NEGR1: variants seen among roughly 807,000 people sequenced by gnomAD.
The protein encoded by NEGR1 is IgLON family member 4.
In NEGR1, 10 loss-of-function variants were observed where a neutral mutation model predicts 40.9. That is an observed-to-expected ratio of 0.24 (90% CI 0.15 to 0.42). The LOEUF (loss-of-function observed/expected upper bound fraction) is 0.42, where lower values mean the gene tolerates loss of function less well. Among genes scored for constraint, NEGR1 ranks in the 10% least tolerant of loss-of-function variants. The pLI, the probability that NEGR1 is intolerant of heterozygous loss-of-function variation, is 1.00. For synonymous variants in NEGR1, 185 were observed against 166.8 expected (o/e 1.11, Z -0.84); for missense variants, 352 against 438.9 (o/e 0.80, Z 1.77).
chr1:71,759,287 CTTTTTTTT>C lies in NEGR1; in HGVS notation c.535+16877_535+16884del, dbSNP rs759687500. ...AAGGTTGCATTTTCCAAGATTATAA[CTTTTTTTT>C]TTTTTTTTTTTTTTTTTTTTGAGAC... On this transcript the variant is annotated intron_variant, in intron 3 of 6. Coordinates refer to ENST00000357731, the MANE Select transcript of NEGR1 (RefSeq NM_173808.3). 2.5e-3 allele frequency among the ~76,000 whole-genome samples: 217 copies of C among 85,206 alleles called. 1 individual carries two copies. The highest frequency in any genetic ancestry group is 9.5e-3 in the African/African-American group (197 of 20,750). The allele number at this position is 85,206 out of a possible 152,430, so 55.9% of individuals were successfully genotyped here.
At chr1:71,873,200 T>C (rs1278118905) in intron 2 of NEGR1, among the ~76,000 whole-genome samples, 1 of 150,594 alleles carries the variant, frequency 6.6e-6, no homozygotes, top group African/African-American at 2.4e-5. Flanking sequence ...TTTATCTACA[T>C]GAATAACATT....
chr1:71,600,936 C>T (rs619147), intron 5 of NEGR1, among the ~76,000 whole-genome samples: 4,665 of 152,278 alleles, frequency 0.031, 235 homozygotes, highest in African/African-American at 0.11. Context: ...CCGAACTGAG[C>T]GTGGTCCCTC....
At chr1:72,093,648 C>T (rs1205784520) in intron 1 of NEGR1, among the ~76,000 whole-genome samples, 1 of 152,042 alleles carries the variant, frequency 6.6e-6, no homozygotes, top group Non-Finnish European at 1.5e-5. Context: ...TGGTGATGTG[C>T]TTCTTTTTTT....
chr1:71,539,868 T>C (rs1034825059), intron 6 of NEGR1, among the ~76,000 whole-genome samples: 2 of 151,756 alleles, frequency 1.3e-5, no homozygotes, highest in African/African-American at 4.8e-5. Context: ...TTTCTATGCT[T>C]AATAAAATTA....
intron 1 of NEGR1, among the ~76,000 whole-genome samples, chr1:72,051,726 A>G (rs999826418): frequency 6.6e-6 from 1 of 151,390 alleles, no homozygotes; most frequent in African/African-American, 2.4e-5. Context: ...AGCTCCCCAC[A>G]AGACTGTGAC....
At chr1:71,784,876 A>G (rs915282531) in intron 2 of NEGR1, among the ~76,000 whole-genome samples, 5 of 152,200 alleles carry the variant, frequency 3.3e-5, no homozygotes, top group African/African-American at 1.2e-4. Flanking sequence ...AGAGCTTAAC[A>G]TTTATGTAAT....
At chr1:71,505,620 G>A (rs942881058) in intron 6 of NEGR1, among the ~76,000 whole-genome samples, 1 of 152,174 alleles carries the variant, frequency 6.6e-6, no homozygotes, top group Non-Finnish European at 1.5e-5. Context: ...ATAAACAGAA[G>A]TGGTTCAGTG....
At chr1:71,935,354 A>C (rs986663025) in intron 1 of NEGR1, 43 bp from the exon 2 acceptor site, 2 of 1,310,578 alleles carry the variant, frequency 1.5e-6, no homozygotes, top group African/African-American at 2.9e-5. Context: ...CAAAATAAAA[A>C]TGAGAGACAA....
At chr1:71,686,772 A>G (rs1314372397) in intron 4 of NEGR1, among the ~76,000 whole-genome samples, 2 of 152,334 alleles carry the variant, frequency 1.3e-5, no homozygotes, top group East Asian at 1.9e-4. Flanking sequence ...CTTGACTCCT[A>G]AAGAATTCAC....
At chr1:71,466,431 T>A (rs1428628201) in intron 6 of NEGR1, among the ~76,000 whole-genome samples, 1 of 152,058 alleles carries the variant, frequency 6.6e-6, no homozygotes, top group Non-Finnish European at 1.5e-5. Context: ...ATGTATGTGC[T>A]AGTGGGAGCA....
chr1:71,654,197 G>T (rs1484656860), intron 4 of NEGR1, among the ~76,000 whole-genome samples: 1 of 152,266 alleles, frequency 6.6e-6, no homozygotes, highest in East Asian at 1.9e-4. Flanking sequence ...GCTCAGGGCC[G>T]GGTGTAGGGA....
At chr1:71,859,925 C>G (rs1659894398) in intron 2 of NEGR1, among the ~76,000 whole-genome samples, 4 of 152,074 alleles carry the variant, frequency 2.6e-5, no homozygotes, top group Admixed American at 2.6e-4. Context: ...CATTGCACCT[C>G]AGAGAGAGTG....
At chr1:71,952,946 C>A (rs1342718031) in intron 1 of NEGR1, among the ~76,000 whole-genome samples, 1 of 144,446 alleles carries the variant, frequency 6.9e-6, no homozygotes, top group Non-Finnish European at 1.5e-5. Flanking sequence ...TAGTTAAGAC[C>A]TACTGCTCAG....
intron 6 of NEGR1, among the ~76,000 whole-genome samples, chr1:71,588,058 G>A (rs1649365780): frequency 6.6e-6 from 1 of 152,036 alleles, no homozygotes; most frequent in Admixed American, 6.6e-5. Flanking sequence ...AACAAAGCGT[G>A]TACAACATGT....
In NEGR1 at chr1:71,711,053, C is replaced by T. The variant is rs571175762; in HGVS notation, c.536-12914G>A. Among the ~76,000 whole-genome samples, 4 of 151,796 alleles carry T rather than the reference C, an allele frequency of 2.6e-5. No homozygotes were observed. The South Asian group carries it at 6.2e-4, about 24-fold the overall frequency. On this transcript the variant is annotated intron_variant, in intron 3 of 6. Coordinates refer to ENST00000357731, the MANE Select transcript of NEGR1 (RefSeq NM_173808.3). ...AAAAAGTTAAAAAAATTTTAAATGG[C>T]CAAAATATTTGAACAAATACTTTAT...
intron 1 of NEGR1, among the ~76,000 whole-genome samples, chr1:72,268,660 A>C (rs948776045): frequency 9.2e-5 from 14 of 151,660 alleles, no homozygotes; most frequent in African/African-American, 3.4e-4. Context: ...TAAATTTACA[A>C]AGAAAGAAAA....
At chr1:72,014,562 T>C (rs1646692143) in intron 1 of NEGR1, among the ~76,000 whole-genome samples, 1 of 152,050 alleles carries the variant, frequency 6.6e-6, no homozygotes, top group African/African-American at 2.4e-5. Flanking sequence ...TCAACCAATA[T>C]TCATGTACAT....
At chr1:72,247,996 C>T (rs1039075533) in intron 1 of NEGR1, among the ~76,000 whole-genome samples, 6 of 151,898 alleles carry the variant, frequency 4.0e-5, no homozygotes, top group Admixed American at 6.6e-5. Context: ...AAAGCAGGAG[C>T]GAGAGTGTGC....
intron 3 of NEGR1, among the ~76,000 whole-genome samples, chr1:71,771,670 G>T (rs912491324): frequency 5.2e-5 from 3 of 57,148 alleles, no homozygotes; most frequent in African/African-American, 1.5e-4. Context: ...TTGCACTCCA[G>T]CCTGGGTAAC....
Sources: allele counts gnomAD v4.1 joint callset (sites outside exome capture counted in the v4.1 genomes callset), GRCh38; gene constraint gnomAD v4.1.1; transcripts MANE v1.5; gene names NCBI Gene and HGNC (gene_info 2026-07-23, HGNC 2026-07-21).